EPDR1: variants seen among roughly 807,000 people sequenced by gnomAD.
The protein encoded by EPDR1 is ependymin related 1.
A neutral mutation model predicts 23.7 loss-of-function variants in EPDR1; 27 were observed. The observed-to-expected ratio is 1.14, with a 90% CI of 0.84 to 1.57. The LOEUF is 1.57. Among genes scored for constraint, EPDR1 ranks in the 40% most tolerant of loss-of-function variants. EPDR1 has a pLI of 0.00. For synonymous variants in EPDR1, 137 were observed against 118.2 expected (o/e 1.16, Z -1.03); for missense variants, 349 against 290.4 (o/e 1.20, Z -1.47).
intron 1 of EPDR1, among the ~76,000 whole-genome samples, chr7:37,946,433 A>G (rs1032563569): frequency 1.3e-5 from 2 of 152,166 alleles, no homozygotes; most frequent in Admixed American, 6.5e-5. Context: ...TCTGACTGGC[A>G]TGAGATGGTG....
At chr7:37,948,179 CAA>C (rs1205960035) in intron 1 of EPDR1, among the ~76,000 whole-genome samples, 1 of 152,032 alleles carries the variant, frequency 6.6e-6, no homozygotes, top group Non-Finnish European at 1.5e-5. Flanking sequence ...ATGCACCACA[CAA>C]GAGTCAAGTC....
rs1009563382 is a variant in EPDR1, at chr7:37,926,008, G to A, written c.269+4800G>A. 6.6e-5 allele frequency among the ~76,000 whole-genome samples: 10 copies of A among 152,026 alleles called. 1 individual carries two copies. Among genetic ancestry groups the A allele is most frequent in the Admixed American group, 3.9e-4 (6 of 15,274 alleles). ...AGAAGAGGCTACCTTGAAATGCCTC[G>A]GGCCCAAACTCAGAAGGCTCTGCAC... On this transcript the variant is annotated intron_variant, in intron 1 of 2. Coordinates refer to ENST00000199448, the MANE Select transcript of EPDR1 (RefSeq NM_017549.5).
At chr7:37,939,497 G>T (rs959560316) in intron 1 of EPDR1, among the ~76,000 whole-genome samples, 40 of 152,072 alleles carry the variant, frequency 2.6e-4, no homozygotes, top group African/African-American at 8.9e-4. Flanking sequence ...ATTTGTTCTT[G>T]CTTTAATTTT....
chr7:37,925,989 G>A (rs1312922727), intron 1 of EPDR1, among the ~76,000 whole-genome samples: 1 of 152,104 alleles, frequency 6.6e-6, no homozygotes, highest in Non-Finnish European at 1.5e-5. Flanking sequence ...AAAGAGAAGA[G>A]GCTACCTTGA....
chr7:37,941,252 T>C lies in EPDR1; in HGVS notation c.270-7588T>C, dbSNP rs191492985. On this transcript the variant is annotated intron_variant, in intron 1 of 2. Coordinates refer to ENST00000199448, the MANE Select transcript of EPDR1 (RefSeq NM_017549.5). ...CCTAACTCCCAGTGAAATAATTGAT[T>C]CAGGAAACGGATTTGCCTAAAACCA... Among the ~76,000 whole-genome samples the C allele has an allele frequency of 2.6e-5, 4 of 152,198 alleles. No individual in the cohort carries two copies. The East Asian group carries it at 7.7e-4, about 29-fold the overall frequency.
rs1325231762 is a variant in EPDR1, at chr7:37,951,792, C to A, written c.*1396C>A. 1 of 151,682 alleles carries A rather than the reference C, an allele frequency of 6.6e-6. No individual in the cohort carries two copies. Among genetic ancestry groups the A allele is most frequent in the Non-Finnish European group, 1.5e-5 (1 of 67,944 alleles). The allele number at this position is 151,682 out of a possible 1,614,324, so 9.4% of individuals were successfully genotyped here. On this transcript the variant is annotated 3_prime_UTR_variant, in exon 3 of 3. Coordinates refer to ENST00000199448, the MANE Select transcript of EPDR1 (RefSeq NM_017549.5). Reference sequence around the variant, plus strand: ...TATTATAATGAAAACAATCTCATTACTTATAGTTTATCTATATTAAACAAA... The same window carrying A: ...TATTATAATGAAAACAATCTCATTAATTATAGTTTATCTATATTAAACAAA...
intron 1 of EPDR1, among the ~76,000 whole-genome samples, chr7:37,930,862 T>C (rs1233939279): frequency 6.6e-6 from 1 of 152,250 alleles, no homozygotes; most frequent in Non-Finnish European, 1.5e-5. Context: ...ATTTCTGCAG[T>C]TGTTAAAACA....
intron 1 of EPDR1, among the ~76,000 whole-genome samples, chr7:37,930,097 A>G (rs1477768286): frequency 6.6e-6 from 1 of 152,196 alleles, no homozygotes; most frequent in Non-Finnish European, 1.5e-5. Flanking sequence ...AAGGATATAC[A>G]TGCCTTGGAT....
Position 37,948,908 on chromosome 7 carries a change from G to C in EPDR1, c.338G>C (p.Cys113Ser). 1 of 1,613,990 alleles carries C rather than the reference G, an allele frequency of 6.2e-7. No individual in the cohort carries two copies. Among genetic ancestry groups the C allele is most frequent in the East Asian group, 2.2e-5 (1 of 44,880 alleles). The part of the protein sequence containing the change: ...MFQIDQATKQ[C>S]SKMTLTQPWD... ...CAGATTGACCAAGCCACCAAGCAGT[G>C]CTCAAAGATGACCCTGACACAGCCC... The change falls in exon 2 of 3, where the codon TGC (cysteine) becomes TCC (serine). Residue 113 changes from cysteine (C) to serine (S), a missense_variant. By Grantham distance (112) the Cys-to-Ser change is moderately radical. Transcript: ENST00000199448.
chr7:37,942,675 T>G (rs750668894), intron 1 of EPDR1, among the ~76,000 whole-genome samples: 6 of 152,194 alleles, frequency 3.9e-5, no homozygotes, highest in Non-Finnish European at 8.8e-5. Context: ...TCCAGACACA[T>G]GTACAGAGTT....
intron 1 of EPDR1, among the ~76,000 whole-genome samples, chr7:37,929,186 C>A (rs1192413652): frequency 1.3e-5 from 2 of 152,178 alleles, no homozygotes. Flanking sequence ...TTCTCAGTGC[C>A]CCCTCACTGC....
In EPDR1 at chr7:37,950,242, C is replaced by A; in HGVS notation, c.521C>A (p.Pro174His). 1 of 1,614,076 alleles carries A rather than the reference C, an allele frequency of 6.2e-7. No individual in the cohort carries two copies. The highest frequency in any genetic ancestry group is 8.5e-7 in the Non-Finnish European group (1 of 1,179,982). ...ATCTATACAGTCAAGGATTGCTATC[C>A]TGTCCAGGAAACCTTTACCATAAAC... ...IGIYTVKDCY[P>H]VQETFTINYS... The change falls in exon 3 of 3, where the codon CCT (proline) becomes CAT (histidine). Residue 174 changes from proline (P) to histidine (H), a missense_variant. Pro to His is a moderately conservative substitution (Grantham distance 77). Coordinates refer to ENST00000199448, the MANE Select transcript of EPDR1 (RefSeq NM_017549.5).
intron 1 of EPDR1, among the ~76,000 whole-genome samples, chr7:37,930,379 A>G (rs1022606749): frequency 6.6e-5 from 10 of 152,354 alleles, no homozygotes; most frequent in Admixed American, 6.5e-4. Context: ...TAGGTAACAT[A>G]TAACTTATGA....
intron 1 of EPDR1, among the ~76,000 whole-genome samples, chr7:37,945,490 A>AAGCAC (rs1786256009): frequency 6.6e-6 from 1 of 152,212 alleles, no homozygotes; most frequent in Non-Finnish European, 1.5e-5. Flanking sequence ...TACGGCTACT[A>AAGCAC]ATAATACAAT....
chr7:37,937,609 T>A (rs1786080208), intron 1 of EPDR1, among the ~76,000 whole-genome samples: 1 of 151,914 alleles, frequency 6.6e-6, no homozygotes. Context: ...TGAAAGGAGG[T>A]GAATTAAAAT....
intron 1 of EPDR1, among the ~76,000 whole-genome samples, chr7:37,931,704 G>T (rs867718453): frequency 2.2e-4 from 33 of 151,638 alleles, no homozygotes; most frequent in African/African-American, 8.0e-4. Context: ...TTTTGTTTTT[G>T]TTTTTGTTTT....
At chr7:37,939,560 C>T (rs1786128806) in intron 1 of EPDR1, among the ~76,000 whole-genome samples, 1 of 152,042 alleles carries the variant, frequency 6.6e-6, no homozygotes, top group Admixed American at 6.6e-5. Flanking sequence ...ATGTCTTATT[C>T]TTCTTGGTGC....
rs141040954 is a variant in EPDR1, at chr7:37,922,022, A to T, written c.269+814A>T. On this transcript the variant is annotated intron_variant, in intron 1 of 2. Coordinates refer to ENST00000199448, the MANE Select transcript of EPDR1 (RefSeq NM_017549.5). ...AAGGAAACCCTCTTTTTGAGATGTCATCTCGCTTGTGGCCCCTTTAAGACC... is the reference window on the plus strand; with the variant it reads ...AAGGAAACCCTCTTTTTGAGATGTCTTCTCGCTTGTGGCCCCTTTAAGACC... 8.8e-3 allele frequency among the ~76,000 whole-genome samples: 1,342 copies of T among 152,236 alleles called. 10 individuals are homozygous for T. Among genetic ancestry groups the T allele is most frequent in the Middle Eastern group, 0.037 (11 of 294 alleles).
intron 1 of EPDR1, among the ~76,000 whole-genome samples, chr7:37,939,568 T>C (rs143008070): frequency 2.3e-4 from 35 of 152,336 alleles, no homozygotes; most frequent in African/African-American, 7.9e-4. Context: ...TTCTTCTTGG[T>C]GCCTCAAACT....
Sources: gnomAD v4.1 joint callset for allele counts (sites outside exome capture counted in the v4.1 genomes callset) on GRCh38, gnomAD v4.1.1 for gene constraint, MANE v1.5 for transcripts, NCBI Gene and HGNC (gene_info 2026-07-23, HGNC 2026-07-21) for gene names.